CAMTA2: variants seen among roughly 807,000 people sequenced by gnomAD.
CAMTA2 encodes the protein calmodulin-binding transcription activator 2.
In CAMTA2, 56 loss-of-function variants were observed where a neutral mutation model predicts 135.7. The ratio of observed to expected loss-of-function variants is 0.41; its 90% CI spans 0.33 to 0.52. CAMTA2 has a LOEUF of 0.52. Ranked by LOEUF, CAMTA2 falls within the 20% of genes least tolerant of loss-of-function variation. The pLI, the probability that CAMTA2 is intolerant of heterozygous loss-of-function variation, is 0.16. For synonymous variants in CAMTA2, 591 were observed against 604.6 expected (o/e 0.98, Z 0.33); for missense variants, 1,358 against 1,553.4 (o/e 0.87, Z 2.11).
intron 7 of CAMTA2, 31 bp downstream of exon 7, chr17:4,981,647 T>C: frequency 1.3e-6 from 2 of 1,560,596 alleles, no homozygotes; most frequent in Non-Finnish European, 1.7e-6. Context: ...TACTCTCCCC[T>C]TGGAGCTCTA....
chr17:4,968,762 G>A lies in CAMTA2; in HGVS notation c.3603C>T (p.Ala1201=). The A allele has an allele frequency of 3.1e-6, 5 of 1,614,108 alleles. No individual in the cohort carries two copies. Among genetic ancestry groups the A allele is most frequent in the Non-Finnish European group, 4.2e-6 (5 of 1,180,028 alleles). The change falls in exon 23 of 23, where the codon GCC becomes GCT. Residue 1201 remains alanine, a synonymous_variant. Transcript: ENST00000348066. Reference sequence around the variant, plus strand: ...GAGAAAGGCGGTGGCCAGGTCATGTGGCCAGTCCCGGCTGGGGAAGCCCTT... The same window carrying A: ...GAGAAAGGCGGTGGCCAGGTCATGTAGCCAGTCCCGGCTGGGGAAGCCCTT... ...ELEGLPQPGL[A]T
rs1387741325 is a variant in CAMTA2 at position 4,981,790 on chromosome 17, G to C, written c.453C>G (p.Ala151=). 6.2e-7 allele frequency: 1 copy of C among 1,612,664 alleles called. No individual in the cohort carries two copies. Among genetic ancestry groups the C allele is most frequent in the Non-Finnish European group, 8.5e-7 (1 of 1,179,200 alleles). The change falls in exon 7 of 23, where the codon GCC becomes GCG. Residue 151 remains alanine, a synonymous_variant. Transcript: ENST00000348066. ...TGCAGCCCTTTCCACAGTCCTCCAGGGCTGGGACGTTCAGGTAGTGCACAA... is the reference window on the plus strand; with the variant it reads ...TGCAGCCCTTTCCACAGTCCTCCAGCGCTGGGACGTTCAGGTAGTGCACAA... ...IVLVHYLNVP[A]LEDCGKGCSP... is the part of the protein sequence containing the mutation.
chr17:4,986,930 C>G, intron 1 of CAMTA2: 1 of 1,517,536 alleles, frequency 6.6e-7, no homozygotes, highest in African/African-American at 1.4e-5. Context: ...CCTCTGCCTC[C>G]CCTGGCCTCC....
intron 2 of CAMTA2, 97 bp from the exon 3 acceptor site, chr17:4,986,080 G>C (rs947487609): frequency 8.9e-7 from 1 of 1,128,624 alleles, no homozygotes; most frequent in Non-Finnish European, 1.4e-6. Flanking sequence ...GAGCACTGGG[G>C]AAAACTGAAA....
chr17:4,969,962 G>A lies in CAMTA2; in HGVS notation c.3129C>T (p.His1043=), dbSNP rs748785529. 2.5e-6 allele frequency: 4 copies of A among 1,614,100 alleles called. No homozygotes were observed. The South Asian group carries it at 3.3e-5, about 13-fold the overall frequency. ...CAGCCTCATACAGTTCCCGCTGCTC[G>A]TGATCTGATAGTGTCAGCAGGGCAA... ...SDFALLTLSD[H]EQRELYEAAR... Residue 1043 remains histidine (H), a synonymous_variant, in exon 18 of 23, where the codon CAC becomes CAT. Transcript: ENST00000348066. The surrounding 1 kb of genome is among the most constrained non-coding windows in gnomAD (Gnocchi z 5.6).
chr17:4,987,567 G>T (rs753292941), intron 1 of CAMTA2, 26 bp downstream of exon 1: 1 of 1,512,012 alleles, frequency 6.6e-7, no homozygotes, highest in Non-Finnish European at 8.8e-7. Context: ...GGGGCGGAGA[G>T]GCGGGCGAGA....
chr17:4,987,243 C>T lies in CAMTA2; in HGVS notation c.-65+350G>A, dbSNP rs1973408477. On this transcript the variant is annotated intron_variant, in intron 1 of 22. Coordinates refer to ENST00000348066, the MANE Select transcript of CAMTA2 (RefSeq NM_015099.4). ...GACGCTTGGCACTCTGGGCGGCCCC[C>T]CGGCGGAGTGGTGGTCCCAGGAGAA... The T allele has an allele frequency of 2.2e-6, 3 of 1,340,306 alleles. No individual in the cohort carries two copies. In the African/African-American group the frequency reaches 4.6e-5, roughly 21 times the overall value. The allele number at this position is 1,340,306 out of a possible 1,614,324, so 83.0% of individuals were successfully genotyped here. A position where few individuals can be genotyped will look rare whatever the true frequency, so the allele number is the denominator to read the frequency against.
rs1276334982 is a variant in CAMTA2, at chr17:4,969,677, CCTG to C, written c.3211_3213del (p.Gln1071del). 1 of 1,613,964 alleles carries C rather than the reference CCTG, an allele frequency of 6.2e-7. No individual in the cohort carries two copies. Among genetic ancestry groups the C allele is most frequent in the South Asian group, 1.1e-5 (1 of 91,076 alleles). On this transcript the variant is annotated inframe_deletion, in exon 19 of 23. Transcript: ENST00000348066. The surrounding 1 kb of genome is among the most constrained non-coding windows in gnomAD (Gnocchi z 5.6). Reference sequence around the variant, plus strand: ...CGCTGGATTACAGCTGCTGCTACCTCCTGCTGCTCCTTCAGCCGCCGGCCCTGA... The same window carrying C: ...CGCTGGATTACAGCTGCTGCTACCTCCTGCTCCTTCAGCCGCCGGCCCTGA...
intron 10 of CAMTA2, among the ~76,000 whole-genome samples, chr17:4,977,846 T>G (rs1002871747): frequency 6.6e-6 from 1 of 152,160 alleles, no homozygotes; most frequent in African/African-American, 2.4e-5. Context: ...AGGGCAGAGA[T>G]GAACCTTGGC....
At position 4,978,729 on chromosome 17, in the gene CAMTA2, G is replaced by C. The variant is rs901167585; in HGVS notation, c.1639-99C>G. The C allele has an allele frequency of 1.2e-5, 16 of 1,383,290 alleles. No homozygotes were observed. In the African/African-American group the frequency reaches 2.0e-4, roughly 17 times the overall value. 85.7% of individuals were successfully genotyped at this position (1,383,290 alleles called of 1,614,324 possible). On this transcript the variant is annotated intron_variant, in intron 9 of 22. Transcript: ENST00000348066. ...CTTACAGGGTATCTACTATATGGCA[G>C]GTCCTGTGCTAGAGTCTGGGGGTCC...
chr17:4,987,648 C>CCA lies in CAMTA2; in HGVS notation c.-121_-120insTG, dbSNP rs746384376. 5 of 1,521,616 alleles carry CCA rather than the reference C, an allele frequency of 3.3e-6. No homozygotes were observed. In the East Asian group the frequency reaches 7.7e-5, roughly 23 times the overall value. 94.3% of individuals were successfully genotyped at this position (1,521,616 alleles called of 1,614,324 possible). On this transcript the variant is annotated 5_prime_UTR_variant, in exon 1 of 23. Transcript: ENST00000348066. ...CGGCCATTCTACCCCACACCGACCC[C>CCA]CCCCAGCGCCGGCTGACAGCGGCGT...
Position 4,969,091 on chromosome 17 carries a change from G to A in CAMTA2, c.3470+59C>T. On this transcript the variant is annotated intron_variant, in intron 21 of 22. Coordinates refer to ENST00000348066, the MANE Select transcript of CAMTA2 (RefSeq NM_015099.4). The surrounding 1 kb of genome is among the most constrained non-coding windows in gnomAD (Gnocchi z 5.6). ...TGAGGCATGATGATCAAGAGGATGAGTAAGGGGGAATGGCGTGGATGCAGT... is the reference window on the plus strand; with the variant it reads ...TGAGGCATGATGATCAAGAGGATGAATAAGGGGGAATGGCGTGGATGCAGT... 6.3e-7 allele frequency: 1 copy of A among 1,584,048 alleles called. No homozygotes were observed. Among genetic ancestry groups the A allele is most frequent in the Non-Finnish European group, 8.6e-7 (1 of 1,160,500 alleles).
At position 4,981,765 on chromosome 17, in the gene CAMTA2, T is replaced by G. The variant is rs781618251; in HGVS notation, c.478A>C (p.Ser160Arg). The G allele has an allele frequency of 8.1e-6, 13 of 1,613,602 alleles. No homozygotes were observed. Among genetic ancestry groups the G allele is most frequent in the South Asian group, 4.4e-5 (4 of 91,044 alleles). ...PALEDCGKGC[S>R]PIFCSISSDR... ...CTGCTGATGGAACAAAAGATGGGGC[T>G]GCAGCCCTTTCCACAGTCCTCCAGG... The change falls in exon 7 of 23, where the codon AGC (serine) becomes CGC (arginine). Residue 160 changes from serine to arginine, a missense_variant. By Grantham distance (110) the Ser-to-Arg change is moderately radical (BLOSUM62 -1). Around this residue, in one of 4 missense-constraint regions of CAMTA2, gnomAD observed 1,077 missense variants for 1,127.5 expected, o/e 0.96. Coordinates refer to ENST00000348066, the MANE Select transcript of CAMTA2 (RefSeq NM_015099.4).
At chr17:4,979,602 G>T in intron 9 of CAMTA2, 82 bp downstream of exon 9, 1 of 945,578 alleles carries the variant, frequency 1.1e-6, no homozygotes, top group Non-Finnish European at 1.6e-6. Flanking sequence ...CACAGACCAC[G>T]GGGTAAGAGT....
At chr17:4,981,581 T>G (rs1486098545) in intron 7 of CAMTA2, 97 bp downstream of exon 7, 1 of 1,408,440 alleles carries the variant, frequency 7.1e-7, no homozygotes, top group Non-Finnish European at 9.7e-7. Flanking sequence ...TGGAGGGAGA[T>G]GATCAGCCCT....
intron 9 of CAMTA2, 138 bp downstream of exon 9, chr17:4,979,536 GATTAGGTAGA>G: frequency 2.2e-6 from 1 of 456,576 alleles, no homozygotes; most frequent in South Asian, 4.0e-5. Flanking sequence ...AAAAGAGAGA[GATTAGGTAGA>G]GGACTAAGAA....
rs143754512 is a variant in CAMTA2, at chr17:4,974,223, C to T, written c.2016+162G>A. On this transcript the variant is annotated intron_variant, in intron 12 of 22. Coordinates refer to ENST00000348066, the MANE Select transcript of CAMTA2 (RefSeq NM_015099.4). ...GGGTGCCCAGAATAGCCACTCTTGCCACAAGGTGGGGATGGGAACAGGGTG... is the reference window on the plus strand; with the variant it reads ...GGGTGCCCAGAATAGCCACTCTTGCTACAAGGTGGGGATGGGAACAGGGTG... The T allele has an allele frequency of 1.1e-3, 658 of 604,970 alleles. 2 individuals carry two copies. The highest frequency in any genetic ancestry group is 0.01 in the African/African-American group (562 of 53,898). The allele number at this position is 604,970 out of a possible 1,614,324, so 37.5% of individuals were successfully genotyped here. A position where few individuals can be genotyped will look rare whatever the true frequency, so the allele number is the denominator to read the frequency against.
intron 16 of CAMTA2, 137 bp downstream of exon 16, chr17:4,972,095 C>CTA: frequency 1.4e-6 from 1 of 730,742 alleles, no homozygotes; most frequent in South Asian, 1.7e-5. Context: ...AAGCAAAAGG[C>CTA]TACCTTGCCT....
chr17:4,980,594 C>T lies in CAMTA2; in HGVS notation c.728G>A (p.Ser243Asn). ...AGAGATGATGCGGTGTTTCGTGCTG[C>T]TGCATTTGTGGGTAAGGCTCCCAGA... is the stretch of plus-strand genomic sequence containing the variant. ...LGSGSLTHKC[S>N]STKHRIISPK... Residue 243 changes from serine to asparagine, a missense_variant, in exon 9 of 23, where the codon AGC becomes AAC. Ser to Asn is a conservative substitution (Grantham distance 46). This residue lies in a region of CAMTA2 where 1,077 missense variants were observed against 1,127.5 expected (regional missense o/e 0.96). Transcript: ENST00000348066. This position sits in a 1 kb window ranked among gnomAD's most constrained non-coding sequence, Gnocchi z 5.3. 1 of 1,614,032 alleles carries T rather than the reference C, an allele frequency of 6.2e-7. No individual in the cohort carries two copies.
Sources: gnomAD v4.1 joint callset for allele counts (sites outside exome capture counted in the v4.1 genomes callset) on GRCh38, gnomAD v4.1.1 for gene constraint, gnomAD v4.1.1 regional missense constraint, Gnocchi (gnomAD v3.1) non-coding constraint, MANE v1.5 for transcripts, NCBI Gene and HGNC (gene_info 2026-07-23, HGNC 2026-07-21) for gene names.